Variants in CCDC7 observed in about 807,000 individuals in gnomAD.
CCDC7 encodes coiled-coil domain-containing protein 7.
Under a neutral mutation model 196.9 loss-of-function variants are expected in CCDC7, and 183 were observed. The observed-to-expected ratio is 0.93, with a 90% CI of 0.82 to 1.05. The LOEUF (loss-of-function observed/expected upper bound fraction) is 1.05. CCDC7 is among the 50% of genes least tolerant of loss of function. CCDC7 has a pLI of 0.00. For missense variants in CCDC7, 1,540 were observed against 1,482.2 expected (o/e 1.04, Z -0.64); for synonymous variants, 525 against 484.6 (o/e 1.08, Z -1.10).
intron 33 of CCDC7, 107 bp from the exon 35 acceptor site, chr10:32,845,136 A>G (rs41276070): frequency 0.024 from 14,168 of 597,794 alleles, 240 homozygotes; most frequent in Non-Finnish European, 0.026. Context: ...AGTATTATAT[A>G]GGTGAAATTC....
intron 9 of CCDC7, among the ~76,000 whole-genome samples, chr10:32,494,873 A>G (rs1292068340): frequency 6.6e-6 from 1 of 152,158 alleles, no homozygotes; most frequent in South Asian, 2.1e-4. Context: ...ATGTGTTTTT[A>G]TAGTAGAATA....
intron 32 of CCDC7, among the ~76,000 whole-genome samples, chr10:32,826,703 C>G (rs1236378584): frequency 6.6e-6 from 1 of 152,196 alleles, no homozygotes; most frequent in Non-Finnish European, 1.5e-5. Flanking sequence ...AGGCCTGGTT[C>G]CCAGATGGTT....
chr10:32,618,425 A>G (rs7919915), intron 18 of CCDC7, among the ~76,000 whole-genome samples: 21,520 of 151,862 alleles, frequency 0.14, 1,872 homozygotes, highest in African/African-American at 0.25. Context: ...TGTTTTCATA[A>G]TGGTAATTAT....
intron 28 of CCDC7, among the ~76,000 whole-genome samples, chr10:32,777,650 A>G (rs886509357): frequency 5.3e-5 from 8 of 152,042 alleles, no homozygotes; most frequent in Non-Finnish European, 7.4e-5. Flanking sequence ...TGAGATCAAG[A>G]GTTCGAAACC....
At chr10:32,639,258 T>A (rs913316766) in intron 20 of CCDC7, among the ~76,000 whole-genome samples, 1 of 152,228 alleles carries the variant, frequency 6.6e-6, no homozygotes, top group Admixed American at 6.5e-5. Flanking sequence ...ATCTTAGTTA[T>A]TTCTTGCCTT....
At chr10:32,757,329 C>A (rs2484727) in intron 28 of CCDC7, among the ~76,000 whole-genome samples, 2 of 151,944 alleles carry the variant, frequency 1.3e-5, no homozygotes, top group African/African-American at 4.8e-5. Context: ...ACACTTATTC[C>A]AAAACTAACC....
intron 18 of CCDC7, among the ~76,000 whole-genome samples, chr10:32,594,309 C>A (rs1466738833): frequency 6.6e-6 from 1 of 152,134 alleles, no homozygotes; most frequent in East Asian, 1.9e-4. Context: ...CTCTTTGAAG[C>A]AATTGTGAAT....
At chr10:32,487,980 C>T (rs919777071) in intron 8 of CCDC7, among the ~76,000 whole-genome samples, 38 of 152,304 alleles carry the variant, frequency 2.5e-4, no homozygotes, top group African/African-American at 7.7e-4. Flanking sequence ...TCTCCAGCTG[C>T]GTGCTGGGAG....
intron 21 of CCDC7, among the ~76,000 whole-genome samples, chr10:32,666,505 T>C (rs949285073): frequency 6.6e-6 from 1 of 152,044 alleles, no homozygotes; most frequent in Non-Finnish European, 1.5e-5. Flanking sequence ...TAGGTATAAC[T>C]TCTAATGCTA....
chr10:32,863,576 C>A lies in CCDC7; in HGVS notation c.4111+9087C>A, dbSNP rs150881235. On this transcript the variant is annotated intron_variant, in intron 41 of 41. Transcript: ENST00000639629. ...CTACATTGCCAAGGCTGGTCTTGAA[C>A]TCCCACCACACCAGGCCCAATGATC... Among the ~76,000 whole-genome samples the A allele has an allele frequency of 8.0e-3, 1,219 of 152,066 alleles. 8 individuals are homozygous for A. Among genetic ancestry groups the A allele is most frequent in the Non-Finnish European group, 0.014 (970 of 67,966 alleles).
intron 29 of CCDC7, among the ~76,000 whole-genome samples, chr10:32,779,396 T>A (rs987975168): frequency 7.9e-5 from 12 of 152,240 alleles, no homozygotes; most frequent in Admixed American, 5.2e-4. Context: ...GAACAGTTCC[T>A]TGAGGACATA....
intron 28 of CCDC7, among the ~76,000 whole-genome samples, chr10:32,776,216 G>A (rs1340161082): frequency 6.7e-6 from 1 of 150,140 alleles, no homozygotes; most frequent in Admixed American, 6.7e-5. Flanking sequence ...CACCAGCATG[G>A]CACATGTATA....
In CCDC7 at chr10:32,767,105, G is replaced by T. The variant is rs181977283; in HGVS notation, c.2906-11872G>T. On this transcript the variant is annotated intron_variant, in intron 28 of 41. Transcript: ENST00000639629. ...GAGTAACAACTCACTCATTACTGTG[G>T]AGAGGGCACCAAGCCATTCATGAGA... Among the ~76,000 whole-genome samples, 204 of 152,126 alleles carry T rather than the reference G, an allele frequency of 1.3e-3. 1 individual carries two copies. Among genetic ancestry groups the T allele is most frequent in the African/African-American group, 3.8e-3 (159 of 41,516 alleles).
chr10:32,719,406 T>G lies in CCDC7; in HGVS notation c.2570-7328T>G, dbSNP rs541624086. Among the ~76,000 whole-genome samples the G allele has an allele frequency of 3.9e-5, 6 of 152,170 alleles. No individual in the cohort carries two copies. In the East Asian group the frequency reaches 1.2e-3, roughly 29 times the overall value. ...GGATTAAAGACTTAAACCTAAGACCTAAAACCATAAAAACCCTAGAAGAAA... is the reference window on the plus strand; with the variant it reads ...GGATTAAAGACTTAAACCTAAGACCGAAAACCATAAAAACCCTAGAAGAAA... On this transcript the variant is annotated intron_variant, in intron 25 of 41. Transcript: ENST00000639629.
chr10:32,862,439 A>G (rs1002238492), intron 41 of CCDC7, among the ~76,000 whole-genome samples: 1 of 152,014 alleles, frequency 6.6e-6, no homozygotes, highest in Non-Finnish European at 1.5e-5. Context: ...TAGGGGAGGG[A>G]TAGCATTAGG....
chr10:32,457,795 T>A (rs2034682199), intron 3 of CCDC7, among the ~76,000 whole-genome samples: 1 of 152,158 alleles, frequency 6.6e-6, no homozygotes, highest in South Asian at 2.1e-4. Context: ...ATGATGAGCA[T>A]TTTTTTCATA....
At chr10:32,878,206 G>A (rs1365855283), downstream of CCDC7, among the ~76,000 whole-genome samples, 1 of 152,044 alleles carries the variant, frequency 6.6e-6, no homozygotes, top group African/African-American at 2.4e-5. Flanking sequence ...TGGGAATCTA[G>A]ATTTTTAATT....
chr10:32,795,166 C>A (rs949347706), intron 29 of CCDC7, among the ~76,000 whole-genome samples: 1 of 152,086 alleles, frequency 6.6e-6, no homozygotes, highest in Non-Finnish European at 1.5e-5. Flanking sequence ...CTTTGCATTC[C>A]TTTTTCTTGC....
chr10:32,723,504 C>G (rs907411465), intron 25 of CCDC7, among the ~76,000 whole-genome samples: 2 of 152,128 alleles, frequency 1.3e-5, no homozygotes, highest in East Asian at 1.9e-4. Context: ...AAGAATAGTC[C>G]AACTATGTTT....
Sources: allele counts gnomAD v4.1 joint callset (sites outside exome capture counted in the v4.1 genomes callset), GRCh38; gene constraint gnomAD v4.1.1; transcripts MANE v1.5; gene names NCBI Gene and HGNC (gene_info 2026-07-23, HGNC 2026-07-21).